Variants in FARS2 observed in about 807,000 individuals in gnomAD.
FARS2 encodes the protein phenylalanine--tRNA ligase, mitochondrial.
In FARS2, 40 loss-of-function variants were observed where a neutral mutation model predicts 46.4. That is an observed-to-expected ratio of 0.86 (90% CI 0.67 to 1.12). The LOEUF (loss-of-function observed/expected upper bound fraction) is 1.12. Among genes scored for constraint, FARS2 ranks in the 50% most tolerant of loss-of-function variants. FARS2 has a pLI of 0.00. For missense variants in FARS2, 513 were observed against 567.9 expected, an observed-to-expected ratio of 0.90 and a Z score of 0.98; for synonymous variants, 234 against 214.9, an observed-to-expected ratio of 1.09 and a Z score of -0.78.
chr6:5,467,049 A>T, intron 4 of FARS2: 1 of 985,236 alleles, frequency 1.0e-6, no homozygotes, highest in Non-Finnish European at 1.2e-6. Context: ...GGACCATGGG[A>T]TACCAGCAGT....
chr6:5,424,588 CAG>C (rs1762744443), intron 3 of FARS2, among the ~76,000 whole-genome samples: 1 of 152,084 alleles, frequency 6.6e-6, no homozygotes, highest in African/African-American at 2.4e-5. Context: ...AAAATAGAAA[CAG>C]ATATTTGTAT....
intron 1 of FARS2, among the ~76,000 whole-genome samples, chr6:5,275,569 T>G (rs549681205): frequency 6.6e-6 from 1 of 152,294 alleles, no homozygotes; most frequent in South Asian, 2.1e-4. Context: ...AATGAGGAAA[T>G]GAAGGAATAT....
At chr6:5,644,913 C>T (rs571544022) in intron 6 of FARS2, among the ~76,000 whole-genome samples, 16 of 152,290 alleles carry the variant, frequency 1.1e-4, no homozygotes, top group African/African-American at 3.9e-4. Flanking sequence ...AATAGCTGCA[C>T]ACTCAGGATC....
chr6:5,392,951 T>C (rs965030240), intron 2 of FARS2, among the ~76,000 whole-genome samples: 5 of 116,208 alleles, frequency 4.3e-5, no homozygotes, highest in East Asian at 2.1e-4. Flanking sequence ...TATATATATA[T>C]ACACATAAAA....
intron 1 of FARS2, among the ~76,000 whole-genome samples, chr6:5,309,286 G>A (rs1438716491): frequency 6.6e-6 from 1 of 152,096 alleles, no homozygotes; most frequent in Non-Finnish European, 1.5e-5. Context: ...GAGATTCAAG[G>A]AGAAGGAGGA....
chr6:5,363,076 G>A (rs1758419743), intron 1 of FARS2, among the ~76,000 whole-genome samples: 1 of 151,646 alleles, frequency 6.6e-6, no homozygotes, highest in African/African-American at 2.4e-5. Flanking sequence ...ACAGGTGCCC[G>A]CCACCATGCT....
Position 5,391,649 on chromosome 6 carries a change from A to G in FARS2, c.613-12893A>G, listed in dbSNP as rs181225189. ...GTCCTCAATATCTCCTTGAAAATCT[A>G]CTATCATCCAAGCCTCATTTTCACT... On this transcript the variant is annotated intron_variant, in intron 2 of 6. Coordinates refer to ENST00000274680, the MANE Select transcript of FARS2 (RefSeq NM_006567.5). 2.2e-4 allele frequency among the ~76,000 whole-genome samples: 34 copies of G among 152,146 alleles called. 1 individual carries two copies. In the East Asian group the frequency reaches 6.6e-3, roughly 29 times the overall value.
chr6:5,616,662 A>G (rs953057826), intron 6 of FARS2, among the ~76,000 whole-genome samples: 1 of 152,226 alleles, frequency 6.6e-6, no homozygotes, highest in African/African-American at 2.4e-5. Context: ...AAGTTTATGT[A>G]TATTGAATAA....
At chr6:5,578,825 A>C (rs1258220273) in intron 5 of FARS2, among the ~76,000 whole-genome samples, 10 of 56,224 alleles carry the variant, frequency 1.8e-4, no homozygotes, top group Non-Finnish European at 3.4e-4. Context: ...AAAAAAAAAA[A>C]AAAAAAAACA....
chr6:5,677,458 C>T (rs376839741), intron 6 of FARS2, among the ~76,000 whole-genome samples: 1 of 152,260 alleles, frequency 6.6e-6, no homozygotes, highest in African/African-American at 2.4e-5. Flanking sequence ...TCAAATTCCT[C>T]TGGCTAGACT....
intron 2 of FARS2, among the ~76,000 whole-genome samples, chr6:5,393,529 G>A (rs186563580): frequency 8.5e-5 from 13 of 152,092 alleles, no homozygotes; most frequent in South Asian, 8.3e-4. Context: ...ATGGTGGTGC[G>A]TGCCTGTAGT....
At chr6:5,610,142 T>G in intron 5 of FARS2, 1 of 1,092,408 alleles carries the variant, frequency 9.2e-7, no homozygotes, top group South Asian at 1.3e-5. Context: ...AGCTCAACCC[T>G]CCAATGAAGA....
At chr6:5,702,580 G>C (rs868844635) in intron 6 of FARS2, among the ~76,000 whole-genome samples, 16 of 152,218 alleles carry the variant, frequency 1.1e-4, no homozygotes, top group Middle Eastern at 3.4e-3. Flanking sequence ...GTGTAGGTCA[G>C]TTCTTACTGT....
At chr6:5,255,691 C>T in the FARS2 span, among the ~76,000 whole-genome samples, 1 of 152,118 alleles carries the variant, frequency 6.6e-6, no homozygotes, top group Non-Finnish European at 1.5e-5. Flanking sequence ...TCCGTAGCCA[C>T]GAATTTTCTC....
At chr6:5,292,009 A>G (rs1236341578) in intron 1 of FARS2, among the ~76,000 whole-genome samples, 1 of 152,310 alleles carries the variant, frequency 6.6e-6, no homozygotes, top group African/African-American at 2.4e-5. Flanking sequence ...CTGTGAGGTC[A>G]GAAAGGAGGG....
intron 6 of FARS2, 125 bp from the exon 7 acceptor site, chr6:5,771,166 G>T: frequency 1.0e-6 from 1 of 994,930 alleles, no homozygotes; most frequent in Admixed American, 2.3e-5. Flanking sequence ...GCGGTAAATG[G>T]TACCTGGATT....
At chr6:5,432,328 AT>A (rs1475457818) in intron 4 of FARS2, among the ~76,000 whole-genome samples, 46 of 32,698 alleles carry the variant, frequency 1.4e-3, no homozygotes, top group East Asian at 0.012. Context: ...AAAAAAAAAA[AT>A]ATATATATAT....
intron 4 of FARS2, among the ~76,000 whole-genome samples, chr6:5,495,383 C>T (rs146199593): frequency 2.5e-4 from 38 of 152,336 alleles, no homozygotes; most frequent in African/African-American, 7.9e-4. Flanking sequence ...AACCCCTGTG[C>T]TCCCAGTGGA....
intron 6 of FARS2, among the ~76,000 whole-genome samples, chr6:5,742,880 T>C (rs978142975): frequency 3.3e-5 from 5 of 151,912 alleles, no homozygotes; most frequent in Admixed American, 6.6e-5. Context: ...TCCACAGCCC[T>C]GCCAGGAAAT....
Sources: gnomAD v4.1 joint callset for allele counts (sites outside exome capture counted in the v4.1 genomes callset) on GRCh38, gnomAD v4.1.1 for gene constraint, MANE v1.5 for transcripts, NCBI Gene and HGNC (gene_info 2026-07-23, HGNC 2026-07-21) for gene names.